Variants in XRCC5 observed in about 807,000 individuals in gnomAD.
XRCC5 encodes the protein X-ray repair cross complementing 5, also known as DNA repair protein Ku80.
XRCC5 carries 12 observed loss-of-function variants against 95.7 expected under a neutral mutation model. The observed-to-expected ratio is 0.13, with a 90% CI of 0.08 to 0.20. The LOEUF (loss-of-function observed/expected upper bound fraction) is 0.20. Ranked by LOEUF, XRCC5 falls within the 10% of genes least tolerant of loss-of-function variation. The pLI is 1.00. For missense variants in XRCC5, 595 were observed against 873.9 expected, an observed-to-expected ratio of 0.68 and a Z score of 4.02; for synonymous variants, 281 against 290.3, an observed-to-expected ratio of 0.97 and a Z score of 0.33.
intron 13 of XRCC5, among the ~76,000 whole-genome samples, chr2:216,143,006 C>T (rs1396397687): frequency 6.6e-6 from 1 of 152,202 alleles, no homozygotes; most frequent in East Asian, 1.9e-4. Flanking sequence ...TACCAATCAT[C>T]ATAGCTTAGC....
At chr2:216,199,832 T>TTTTTA (rs907007119) in intron 19 of XRCC5, among the ~76,000 whole-genome samples, 12 of 149,828 alleles carry the variant, frequency 8.0e-5, no homozygotes, top group Non-Finnish European at 1.6e-4. Flanking sequence ...TTTTTTTTTT[T>TTTTTA]TTACCAGATT....
intron 16 of XRCC5, among the ~76,000 whole-genome samples, chr2:216,184,628 A>G (rs1331087816): frequency 1.3e-5 from 2 of 152,156 alleles, no homozygotes; most frequent in African/African-American, 2.4e-5. Flanking sequence ...GATTACAGGC[A>G]TATGCTACCA....
At chr2:216,201,980 G>A (rs3834) in intron 19 of XRCC5, among the ~76,000 whole-genome samples, 24,953 of 152,158 alleles carry the variant, frequency 0.16, 2,498 homozygotes, top group African/African-American at 0.28. Flanking sequence ...AGTTGCAGAC[G>A]ATACTTAGCA....
intron 9 of XRCC5, among the ~76,000 whole-genome samples, chr2:216,131,934 G>A (rs1467394099): frequency 2.0e-5 from 3 of 152,170 alleles, no homozygotes; most frequent in African/African-American, 7.2e-5. Flanking sequence ...GTCCTTTTAA[G>A]TCTCGACTTA....
intron 14 of XRCC5, among the ~76,000 whole-genome samples, chr2:216,153,366 T>G (rs946786958): frequency 6.6e-6 from 1 of 152,220 alleles, no homozygotes; most frequent in Non-Finnish European, 1.5e-5. Flanking sequence ...TTTGTGTGTT[T>G]TTGTGTTGAT....
intron 15 of XRCC5, among the ~76,000 whole-genome samples, chr2:216,161,079 A>G (rs555795499): frequency 2.0e-5 from 3 of 152,316 alleles, no homozygotes; most frequent in South Asian, 4.1e-4. Context: ...ATGTACTAGG[A>G]AGGATAGTCA....
At chr2:216,185,427 A>G (rs573225441) in intron 16 of XRCC5, among the ~76,000 whole-genome samples, 1 of 152,238 alleles carries the variant, frequency 6.6e-6, no homozygotes, top group East Asian at 1.9e-4. Flanking sequence ...TTATCAGGCA[A>G]ATATCTTTTA....
intron 14 of XRCC5, among the ~76,000 whole-genome samples, chr2:216,157,566 G>GGCT (rs34650868): frequency 0.6 from 90,759 of 151,768 alleles, 27,781 homozygotes; most frequent in African/African-American, 0.71. Flanking sequence ...GAAAGAGATA[G>GGCT]GCCTATCACA....
intron 16 of XRCC5, among the ~76,000 whole-genome samples, chr2:216,187,918 T>C (rs1217963093): frequency 1.3e-5 from 2 of 149,384 alleles, no homozygotes; most frequent in African/African-American, 2.5e-5. Context: ...TTAGCCTCCT[T>C]CTTCAGCTCC....
At position 216,146,752 on chromosome 2, in the gene XRCC5, G is replaced by C. The variant is rs3770514; in HGVS notation, c.1477-1331G>C. On this transcript the variant is annotated intron_variant, in intron 13 of 20. Transcript: ENST00000392132. The stretch of plus-strand genomic sequence containing the variant: ...GTTGAATGAGGTGGCATGCTGTGTA[G>C]AACTTCACTCACATGGGCAGTGGAG... 7.8e-4 allele frequency among the ~76,000 whole-genome samples: 119 copies of C among 152,258 alleles called. 3 individuals are homozygous for C. The East Asian group carries it at 0.021, about 27-fold the overall frequency.
Position 216,116,933 on chromosome 2 carries a change from C to G in XRCC5, c.319+91C>G, listed in dbSNP as rs1224073159. ...TGATGAGACACCCCCAGAGTTTCAG[C>G]TATGAGTATATGGGTATATTTTGCT... On this transcript the variant is annotated intron_variant, in intron 3 of 20. Coordinates refer to ENST00000392132, the MANE Select transcript of XRCC5 (RefSeq NM_021141.4). The G allele has an allele frequency of 1.1e-5, 16 of 1,423,732 alleles. No homozygotes were observed. The East Asian group carries it at 3.4e-4, about 30-fold the overall frequency. 88.2% of individuals were successfully genotyped at this position (1,423,732 alleles called of 1,614,324 possible).
intron 14 of XRCC5, among the ~76,000 whole-genome samples, chr2:216,158,535 T>A (rs1053551422): frequency 1.1e-4 from 17 of 152,252 alleles, no homozygotes; most frequent in Admixed American, 9.8e-4. Context: ...CAACTTCTAA[T>A]GGAATTTCAT....
intron 13 of XRCC5, among the ~76,000 whole-genome samples, chr2:216,147,599 T>A (rs1318536402): frequency 3.3e-5 from 5 of 152,090 alleles, no homozygotes; most frequent in Admixed American, 3.3e-4. Flanking sequence ...TTTGCAGACC[T>A]CTCTCTGGGA....
chr2:216,121,950 CAG>C, intron 5 of XRCC5, 110 bp from the exon 6 acceptor site: 1 of 968,258 alleles, frequency 1.0e-6, no homozygotes, highest in East Asian at 2.7e-5. Context: ...AGTCGTTTGA[CAG>C]ATGAGAAATT....
chr2:216,162,384 A>G (rs1457890500), intron 16 of XRCC5, among the ~76,000 whole-genome samples: 1 of 149,072 alleles, frequency 6.7e-6, no homozygotes, highest in African/African-American at 2.5e-5. Context: ...ACATCTTCCT[A>G]TTTTATTTTC....
At chr2:216,111,272 A>G (rs1397906624) in intron 1 of XRCC5, 4 of 361,112 alleles carry the variant, frequency 1.1e-5, no homozygotes, top group African/African-American at 2.2e-5. Context: ...CTGTAATCCT[A>G]GCACTTTGGG....
At chr2:216,116,170 T>C (rs1696691960) in intron 2 of XRCC5, among the ~76,000 whole-genome samples, 1 of 152,232 alleles carries the variant, frequency 6.6e-6, no homozygotes, top group Non-Finnish European at 1.5e-5. Context: ...TGCCCTATCA[T>C]AAACAGTGCT....
At position 216,204,530 on chromosome 2, in the gene XRCC5, C is replaced by T. The variant is rs570718647; in HGVS notation, c.2184+134C>T. On this transcript the variant is annotated intron_variant, in intron 20 of 20. Coordinates refer to ENST00000392132, the MANE Select transcript of XRCC5 (RefSeq NM_021141.4). ...TTTCCAATACACCAGAAGCTTCCTA[C>T]ACCATTATATATTGCCATTATAAAT... is the stretch of plus-strand genomic sequence containing the variant. 3.1e-4 allele frequency: 269 copies of T among 861,826 alleles called. 3 individuals are homozygous for T. In the South Asian group the frequency reaches 3.9e-3, roughly 12 times the overall value. The allele number at this position is 861,826 out of a possible 1,614,324, so 53.4% of individuals were successfully genotyped here. A position where few individuals can be genotyped will look rare whatever the true frequency, so the allele number is the denominator to read the frequency against.
rs1245396354 is a variant in XRCC5, at chr2:216,156,467, CT to C, written c.1671-3600del. 40 of 681,910 alleles carry C rather than the reference CT, an allele frequency of 5.9e-5. No homozygotes were observed. In the African/African-American group the frequency reaches 5.9e-4, roughly 10 times the overall value. The allele number at this position is 681,910 out of a possible 1,614,324, so 42.2% of individuals were successfully genotyped here. The stretch of plus-strand genomic sequence containing the variant: ...CTCTATCGTACAGCACTGGTCAGAT[CT>C]ACATAAGCCTCATCGATGCTGACGC... On this transcript the variant is annotated intron_variant, in intron 14 of 20. Coordinates refer to ENST00000392132, the MANE Select transcript of XRCC5 (RefSeq NM_021141.4).
Sources: gnomAD v4.1 joint callset for allele counts (sites outside exome capture counted in the v4.1 genomes callset) on GRCh38, gnomAD v4.1.1 for gene constraint, MANE v1.5 for transcripts, NCBI Gene and HGNC (gene_info 2026-07-23, HGNC 2026-07-21) for gene names.